AEBP2: variants seen among roughly 807,000 people sequenced by gnomAD.
The protein encoded by AEBP2 is AE binding protein 2.
A neutral mutation model predicts 50.8 loss-of-function variants in AEBP2; 10 were observed. The observed-to-expected ratio is 0.20, with a 90% CI of 0.12 to 0.33. The LOEUF is 0.33. Ranked by LOEUF, AEBP2 falls within the 10% of genes least tolerant of loss-of-function variation. The pLI is 1.00. For synonymous variants in AEBP2, 296 were observed against 261.3 expected (o/e 1.13, Z -1.28); for missense variants, 570 against 688.0 (o/e 0.83, Z 1.92).
chr12:19,409,453 A>G (rs1461615505), intron 1 of AEBP2, among the ~76,000 whole-genome samples: 2 of 152,180 alleles, frequency 1.3e-5, no homozygotes, highest in Non-Finnish European at 2.9e-5. Context: ...CCTCAGAATC[A>G]TATTTTTTTA....
chr12:19,481,561 C>T (rs1321785635), intron 3 of AEBP2, among the ~76,000 whole-genome samples: 1 of 151,942 alleles, frequency 6.6e-6, no homozygotes, highest in Non-Finnish European at 1.5e-5. Context: ...AACCTCCCAC[C>T]TTCACCTCCT....
rs566130734 is a variant in AEBP2, at chr12:19,502,393, C to CA, written c.1299+2175dup. Among the ~76,000 whole-genome samples the CA allele has an allele frequency of 1.7e-4, 26 of 152,252 alleles. No homozygotes were observed. The East Asian group carries it at 4.3e-3, about 25-fold the overall frequency. ...AAGTGATCTGCCTGCCTTGGCCTCCCAAAGTGCTGGGATTACAGGCATGAG... is the reference window on the plus strand; with the variant it reads ...AAGTGATCTGCCTGCCTTGGCCTCCCAAAAGTGCTGGGATTACAGGCATGAG... On this transcript the variant is annotated intron_variant, in intron 5 of 7. Transcript: ENST00000266508.
chr12:19,426,356 A>G (rs577689447), intron 1 of AEBP2, among the ~76,000 whole-genome samples: 1 of 152,312 alleles, frequency 6.6e-6, no homozygotes, highest in East Asian at 1.9e-4. Flanking sequence ...CAGAGGAGAG[A>G]GCTGAAATTC....
chr12:19,415,112 C>G (rs191606087), intron 1 of AEBP2, among the ~76,000 whole-genome samples: 1 of 150,154 alleles, frequency 6.7e-6, no homozygotes, highest in Non-Finnish European at 1.5e-5. Context: ...GAGTTCAAGA[C>G]AGTCCTGGAC....
At chr12:19,482,607 C>G (rs1948746540) in intron 3 of AEBP2, among the ~76,000 whole-genome samples, 1 of 152,134 alleles carries the variant, frequency 6.6e-6, no homozygotes, top group African/African-American at 2.4e-5. Flanking sequence ...ATTGCTTGCC[C>G]TAAGTTGGCC....
intron 2 of AEBP2, among the ~76,000 whole-genome samples, chr12:19,462,962 T>G (rs987955881): frequency 3.9e-5 from 6 of 152,222 alleles, no homozygotes; most frequent in Non-Finnish European, 8.8e-5. Context: ...TTTAAAAGTA[T>G]AGTAGGTGAC....
At chr12:19,482,937 C>A (rs1040489244) in intron 3 of AEBP2, among the ~76,000 whole-genome samples, 2 of 152,124 alleles carry the variant, frequency 1.3e-5, no homozygotes, top group African/African-American at 4.8e-5. Context: ...CACTCTCACT[C>A]CCTTGGTGTA....
chr12:19,473,554 T>C lies in AEBP2; in HGVS notation c.987+199T>C, dbSNP rs550213068. Reference sequence around the variant, plus strand: ...CTGAGTAGCTGGGACTACAGGCGTGTGCCACCACACCTGGCTAATTTTTGT... The same window carrying C: ...CTGAGTAGCTGGGACTACAGGCGTGCGCCACCACACCTGGCTAATTTTTGT... On this transcript the variant is annotated intron_variant, in intron 3 of 7. Transcript: ENST00000266508. 3.3e-5 allele frequency among the ~76,000 whole-genome samples: 5 copies of C among 152,156 alleles called. No homozygotes were observed. In the South Asian group the frequency reaches 1.0e-3, roughly 32 times the overall value.
chr12:19,463,414 G>C (rs1197650318), intron 2 of AEBP2, among the ~76,000 whole-genome samples: 1 of 152,042 alleles, frequency 6.6e-6, no homozygotes, highest in East Asian at 1.9e-4. Context: ...ATCACACTTA[G>C]TGCATTTTTC....
chr12:19,442,008 T>G (rs1197999529), intron 1 of AEBP2, among the ~76,000 whole-genome samples: 1 of 152,130 alleles, frequency 6.6e-6, no homozygotes, highest in Admixed American at 6.6e-5. Context: ...GCAAGTTGAG[T>G]ATCTTACTCA....
At chr12:19,471,526 A>G (rs989933633) in intron 2 of AEBP2, among the ~76,000 whole-genome samples, 6 of 151,854 alleles carry the variant, frequency 4.0e-5, no homozygotes, top group African/African-American at 1.5e-4. Context: ...TTTGGAGAGA[A>G]GGTCTCACTG....
chr12:19,491,022 T>C (rs781679838), intron 3 of AEBP2, among the ~76,000 whole-genome samples: 50 of 152,170 alleles, frequency 3.3e-4, no homozygotes, highest in Non-Finnish European at 4.7e-4. Context: ...AAGTTAAAAA[T>C]TCATTTACTC....
intron 1 of AEBP2, among the ~76,000 whole-genome samples, chr12:19,461,723 C>G (rs1798032945): frequency 6.6e-6 from 1 of 152,002 alleles, no homozygotes; most frequent in African/African-American, 2.4e-5. Flanking sequence ...GTTGGCCAGG[C>G]TGGTTTCAAA....
chr12:19,473,466 T>A, intron 3 of AEBP2, 111 bp downstream of exon 3: 3 of 361,906 alleles, frequency 8.3e-6, no homozygotes, highest in Non-Finnish European at 8.3e-6. Context: ...AGTGCAATGG[T>A]GCCATCTTGG....
intron 2 of AEBP2, among the ~76,000 whole-genome samples, chr12:19,470,792 A>C (rs1438046394): frequency 6.6e-6 from 1 of 152,160 alleles, no homozygotes; most frequent in African/African-American, 2.4e-5. Context: ...ATTTCGAAGG[A>C]ACTAAATCTT....
intron 1 of AEBP2, among the ~76,000 whole-genome samples, chr12:19,442,427 T>C (rs997596159): frequency 8.5e-5 from 13 of 152,256 alleles, no homozygotes; most frequent in African/African-American, 2.2e-4. Flanking sequence ...CCAAGTGATA[T>C]GTGTCAGAGT....
intron 3 of AEBP2, among the ~76,000 whole-genome samples, chr12:19,480,040 G>C (rs751353607): frequency 6.7e-6 from 1 of 150,260 alleles, no homozygotes; most frequent in Non-Finnish European, 1.5e-5. Flanking sequence ...CTTAATAGCT[G>C]TTTTTTTTTC....
intron 4 of AEBP2, among the ~76,000 whole-genome samples, chr12:19,498,686 A>G (rs1185675653): frequency 3.3e-5 from 5 of 152,100 alleles, no homozygotes; most frequent in Non-Finnish European, 7.4e-5. Context: ...AAAATAATCA[A>G]CTTATTTTGA....
chr12:19,441,433 A>T (rs575340663), intron 1 of AEBP2, among the ~76,000 whole-genome samples: 1 of 152,204 alleles, frequency 6.6e-6, no homozygotes, highest in Non-Finnish European at 1.5e-5. Flanking sequence ...TTGACCATCT[A>T]TGTTTTGACA....
Sources: allele counts gnomAD v4.1 joint callset (sites outside exome capture counted in the v4.1 genomes callset), GRCh38; gene constraint gnomAD v4.1.1; transcripts MANE v1.5; gene names NCBI Gene and HGNC (gene_info 2026-07-23, HGNC 2026-07-21).